Variants in CDYL2 observed in about 807,000 individuals in gnomAD.
CDYL2 encodes the protein chromodomain Y like 2, also known as chromodomain Y-like protein 2.
CDYL2 carries 23 observed loss-of-function variants against 49.4 expected under a neutral mutation model. That is an observed-to-expected ratio of 0.47 (90% CI 0.34 to 0.66). The LOEUF (loss-of-function observed/expected upper bound fraction) is 0.66. Ranked by LOEUF, CDYL2 falls within the 30% of genes least tolerant of loss-of-function variation. The probability of loss-of-function intolerance (pLI) is 0.01; values close to 1 mark genes in which losing one functional copy is unlikely to be tolerated. For synonymous variants in CDYL2, 360 were observed against 268.8 expected (o/e 1.34, Z -3.32); for missense variants, 678 against 656.4 (o/e 1.03, Z -0.36).
intron 1 of CDYL2, among the ~76,000 whole-genome samples, chr16:80,775,864 T>C (rs1907065838): frequency 6.6e-6 from 1 of 151,192 alleles, no homozygotes; most frequent in South Asian, 2.1e-4. Flanking sequence ...TATTAATACA[T>C]ATTTATTTAT....
intron 1 of CDYL2, among the ~76,000 whole-genome samples, chr16:80,802,398 G>A (rs1297185761): frequency 6.6e-6 from 1 of 152,134 alleles, no homozygotes; most frequent in African/African-American, 2.4e-5. Flanking sequence ...CCACAGTACT[G>A]GTTACACATA....
intron 2 of CDYL2, among the ~76,000 whole-genome samples, chr16:80,653,049 C>T (rs1368089236): frequency 2.0e-5 from 3 of 152,140 alleles, no homozygotes; most frequent in African/African-American, 4.8e-5. Flanking sequence ...ACCGGTTCAC[C>T]AGTTTCAACA....
In CDYL2 at chr16:80,745,010, C is replaced by T. The variant is rs149054078; in HGVS notation, c.24+59140G>A. On this transcript the variant is annotated intron_variant, in intron 1 of 6. Coordinates refer to ENST00000570137, the MANE Select transcript of CDYL2 (RefSeq NM_152342.4). ...ACAAATGTGAAAAACCCCTGACCTA[C>T]AGGGTGAGTGACAGATACAGGATGA... 6.3e-3 allele frequency among the ~76,000 whole-genome samples: 961 copies of T among 152,298 alleles called. 9 individuals carry two copies. The highest frequency in any genetic ancestry group is 9.7e-3 in the Admixed American group (149 of 15,304).
chr16:80,672,974 G>C (rs549131765), intron 2 of CDYL2, among the ~76,000 whole-genome samples: 15 of 152,202 alleles, frequency 9.9e-5, no homozygotes, highest in Non-Finnish European at 1.8e-4. Flanking sequence ...CCTAGGATTA[G>C]ATAAGTGTTT....
intron 1 of CDYL2, among the ~76,000 whole-genome samples, chr16:80,696,008 G>C (rs559095981): frequency 6.0e-4 from 92 of 152,268 alleles, no homozygotes; most frequent in African/African-American, 2.2e-3. Context: ...TGCCACAAAA[G>C]TCTCTACAAA....
At chr16:80,793,481 A>G (rs1597136587) in intron 1 of CDYL2, among the ~76,000 whole-genome samples, 1 of 152,392 alleles carries the variant, frequency 6.6e-6, no homozygotes, top group Middle Eastern at 3.4e-3. Flanking sequence ...AATGCCATAC[A>G]GGAAGCACTC....
At chr16:80,743,554 C>G (rs1340557662) in intron 1 of CDYL2, among the ~76,000 whole-genome samples, 1 of 152,160 alleles carries the variant, frequency 6.6e-6, no homozygotes, top group African/African-American at 2.4e-5. Context: ...CAGGTCTCAC[C>G]TACATCCCAG....
intron 1 of CDYL2, among the ~76,000 whole-genome samples, chr16:80,689,160 ATGC>A (rs1910314402): frequency 6.6e-6 from 1 of 152,222 alleles, no homozygotes; most frequent in African/African-American, 2.4e-5. Context: ...GCAATCTGAG[ATGC>A]TGAACTATTC....
intron 4 of CDYL2, among the ~76,000 whole-genome samples, chr16:80,616,799 G>T (rs1906846644): frequency 6.6e-6 from 1 of 152,228 alleles, no homozygotes; most frequent in South Asian, 2.1e-4. Context: ...GCCAGGAATA[G>T]CCCGAGTGTT....
At chr16:80,610,073 T>G (rs1006401348) in intron 5 of CDYL2, among the ~76,000 whole-genome samples, 4 of 152,054 alleles carry the variant, frequency 2.6e-5, no homozygotes, top group Non-Finnish European at 5.9e-5. Context: ...AGCAAAAATT[T>G]GCTATTTTTG....
intron 2 of CDYL2, among the ~76,000 whole-genome samples, chr16:80,659,441 C>T (rs1425702080): frequency 6.6e-6 from 1 of 151,918 alleles, no homozygotes; most frequent in East Asian, 1.9e-4. Context: ...TGCATCAACG[C>T]AAAATTTCTT....
At position 80,633,133 on chromosome 16, in the gene CDYL2, G is replaced by C. The variant is rs781251717; in HGVS notation, c.720C>G (p.Val240=). 1.1e-5 allele frequency: 18 copies of C among 1,614,074 alleles called. No individual in the cohort carries two copies. In the East Asian group the frequency reaches 3.1e-4, roughly 28 times the overall value. The change falls in exon 3 of 7, where the codon GTC becomes GTG. Residue 240 remains valine (V), a synonymous_variant. Transcript: ENST00000570137. ...YVFDKRLRYS[V]RQNESNCRFR... ...ACCGACAGTTGCTTTCATTCTGGCG[G>C]ACACTGTATCTGAGCCTTTTGTCAA...
chr16:80,719,147 G>T (rs992489224), intron 1 of CDYL2, among the ~76,000 whole-genome samples: 1 of 152,124 alleles, frequency 6.6e-6, no homozygotes, highest in South Asian at 2.1e-4. Context: ...CAAAGCCCTA[G>T]AGATAGAGTG....
At chr16:80,637,741 A>G (rs1907903885) in intron 2 of CDYL2, among the ~76,000 whole-genome samples, 1 of 152,206 alleles carries the variant, frequency 6.6e-6, no homozygotes, top group Admixed American at 6.5e-5. Flanking sequence ...CAAAGTAGCT[A>G]GAACAGAAGA....
chr16:80,794,824 G>A (rs1004902374), intron 1 of CDYL2, among the ~76,000 whole-genome samples: 1 of 151,866 alleles, frequency 6.6e-6, no homozygotes, highest in African/African-American at 2.4e-5. Flanking sequence ...TGTTGGTCAG[G>A]CTGGTCTCGA....
intron 1 of CDYL2, among the ~76,000 whole-genome samples, chr16:80,711,298 T>C (rs575298144): frequency 4.7e-4 from 72 of 152,256 alleles, no homozygotes; most frequent in Non-Finnish European, 7.6e-4. Flanking sequence ...CTGTGAACAA[T>C]ATAAAGTACG....
intron 1 of CDYL2, among the ~76,000 whole-genome samples, chr16:80,686,491 A>T (rs1356002947): frequency 1.3e-5 from 2 of 152,244 alleles, no homozygotes; most frequent in African/African-American, 4.8e-5. Flanking sequence ...AAGTCGAGTC[A>T]GGAATAAGCC....
chr16:80,639,827 G>C (rs1242790014), intron 2 of CDYL2: 4 of 427,856 alleles, frequency 9.3e-6, no homozygotes, highest in East Asian at 7.1e-5. Context: ...TGTAGCAATT[G>C]TGAGGCATTG....
intron 3 of CDYL2, among the ~76,000 whole-genome samples, chr16:80,624,612 G>A (rs1366600899): frequency 1.3e-5 from 2 of 152,160 alleles, no homozygotes; most frequent in Non-Finnish European, 2.9e-5. Context: ...ATACAAGTTG[G>A]CATACTCAGC....
Sources: allele counts gnomAD v4.1 joint callset (sites outside exome capture counted in the v4.1 genomes callset), GRCh38; gene constraint gnomAD v4.1.1; transcripts MANE v1.5; gene names NCBI Gene and HGNC (gene_info 2026-07-23, HGNC 2026-07-21).